ESR1: variants seen among roughly 807,000 people sequenced by gnomAD.
ESR1 encodes estrogen receptor.
In ESR1, 12 loss-of-function variants were observed where a neutral mutation model predicts 52.7. The observed-to-expected ratio is 0.23, with a 90% CI of 0.15 to 0.37. ESR1 has a LOEUF of 0.37. Among genes scored for constraint, ESR1 ranks in the 10% least tolerant of loss-of-function variants. ESR1 has a pLI of 1.00. For synonymous variants in ESR1, 305 were observed against 316.8 expected (o/e 0.96, Z 0.39); for missense variants, 584 against 779.7 (o/e 0.75, Z 2.99).
At chr6:151,974,309 A>G (rs1465715502) in intron 4 of ESR1, among the ~76,000 whole-genome samples, 2 of 152,094 alleles carry the variant, frequency 1.3e-5, no homozygotes, top group Non-Finnish European at 2.9e-5. Flanking sequence ...TAAGCACTTT[A>G]CATGTTTTCT....
chr6:151,792,330 A>G (rs1411896345), intron 2 of ESR1, among the ~76,000 whole-genome samples: 1 of 152,196 alleles, frequency 6.6e-6, no homozygotes, highest in Non-Finnish European at 1.5e-5. Flanking sequence ...GCTACTGTAA[A>G]CTTTATAAAC....
intron 3 of ESR1, among the ~76,000 whole-genome samples, chr6:151,912,518 G>A (rs1425885401): frequency 2.0e-5 from 3 of 152,108 alleles, no homozygotes; most frequent in South Asian, 2.1e-4. Context: ...ATAGCCTCAA[G>A]GTTTCTAATC....
Position 151,877,817 on chromosome 6 carries a change from T to C in ESR1, c.644-2838T>C, listed in dbSNP as rs1352805209. Among the ~76,000 whole-genome samples, 4 of 148,858 alleles carry C rather than the reference T, an allele frequency of 2.7e-5. No individual in the cohort carries two copies. The East Asian group carries it at 7.8e-4, about 29-fold the overall frequency. On this transcript the variant is annotated intron_variant, in intron 2 of 7. Coordinates refer to ENST00000206249, the MANE Select transcript of ESR1 (RefSeq NM_000125.4). ...TACTAATTAATTTTTTATTTTATTC[T>C]TTTTTTTTTAGAGATAGGGTCTCGC...
Position 152,061,259 on chromosome 6 carries a change from C to G in ESR1, c.1369+135C>G, listed in dbSNP as rs9341017. ...ACTACTGACACACGTTTTAAAATAACCTACCAACATTGCAGATTCCTTATA... is the reference window on the plus strand; with the variant it reads ...ACTACTGACACACGTTTTAAAATAAGCTACCAACATTGCAGATTCCTTATA... On this transcript the variant is annotated intron_variant, in intron 6 of 7. Coordinates refer to ENST00000206249, the MANE Select transcript of ESR1 (RefSeq NM_000125.4). This position sits in a 1 kb window ranked among gnomAD's most constrained non-coding sequence, Gnocchi z 4.3. 20,568 of 855,840 alleles carry G rather than the reference C, an allele frequency of 0.024. 361 individuals are homozygous for G. The highest frequency in any genetic ancestry group is 0.033 in the Middle Eastern group (97 of 2,982). 53.0% of individuals were successfully genotyped at this position (855,840 alleles called of 1,614,324 possible).
At chr6:151,738,581 A>C (rs1290404551) in intron 2 of ESR1, among the ~76,000 whole-genome samples, 1 of 152,194 alleles carries the variant, frequency 6.6e-6, no homozygotes, top group Non-Finnish European at 1.5e-5. Flanking sequence ...CATGAGGATC[A>C]ATTGTTCTGA....
intron 1 of ESR1, among the ~76,000 whole-genome samples, chr6:151,662,852 A>G (rs1441522962): frequency 6.6e-6 from 1 of 152,170 alleles, no homozygotes; most frequent in East Asian, 1.9e-4. Flanking sequence ...AAAATTGTGG[A>G]TCGTTCCCAT....
At chr6:151,775,162 C>T (rs766145027) in intron 2 of ESR1, among the ~76,000 whole-genome samples, 8 of 152,096 alleles carry the variant, frequency 5.3e-5, no homozygotes, top group East Asian at 1.9e-4. Context: ...CAGTCTGTCC[C>T]GTGGAGAGGA....
intron 3 of ESR1, among the ~76,000 whole-genome samples, chr6:151,941,621 T>C (rs1445442600): frequency 2.0e-5 from 3 of 152,050 alleles, no homozygotes; most frequent in Non-Finnish European, 4.4e-5. Context: ...GAGGGGCTAC[T>C]GGAGGTCAAC....
chr6:152,094,557 C>A lies in ESR1; in HGVS notation c.1542C>A (p.Ile514=), dbSNP rs2152496705. ...LAQLLLILSH[I]RHMSNKGMEH... The stretch of plus-strand genomic sequence containing the variant: ...AGCTCCTCCTCATCCTCTCCCACAT[C>A]AGGCACATGAGGTGAGGCATCTGTG... The change falls in exon 7 of 8, where the codon ATC becomes ATA. Residue 514 remains isoleucine, a synonymous_variant. Transcript: ENST00000206249. This position sits in a 1 kb window ranked among gnomAD's most constrained non-coding sequence, Gnocchi z 4.6. The A allele has an allele frequency of 1.9e-6, 3 of 1,614,020 alleles. No homozygotes were observed. Among genetic ancestry groups the A allele is most frequent in the Non-Finnish European group, 2.5e-6 (3 of 1,180,026 alleles).
intron 4 of ESR1, among the ~76,000 whole-genome samples, chr6:151,962,023 CTG>C (rs1451043986): frequency 6.6e-6 from 1 of 151,968 alleles, no homozygotes; most frequent in Non-Finnish European, 1.5e-5. Flanking sequence ...TGATGAATGA[CTG>C]TGGAAAACAA....
chr6:152,123,979 T>A (rs961983399), intron 6 of ESR1, among the ~76,000 whole-genome samples: 1 of 152,112 alleles, frequency 6.6e-6, no homozygotes, highest in Non-Finnish European at 1.5e-5. Context: ...AGAATCCCCT[T>A]AGAAGGGAAC....
intron 1 of ESR1, among the ~76,000 whole-genome samples, chr6:151,698,434 C>T (rs962059366): frequency 6.6e-6 from 1 of 151,662 alleles, no homozygotes; most frequent in Non-Finnish European, 1.5e-5. Flanking sequence ...CCATGGGCAT[C>T]TGTGCTGGGA....
At chr6:151,898,656 C>A (rs943929295) in intron 3 of ESR1, among the ~76,000 whole-genome samples, 1 of 152,050 alleles carries the variant, frequency 6.6e-6, no homozygotes, top group Non-Finnish European at 1.5e-5. Context: ...CTTGCACCGC[C>A]CTTAATCCAT....
intron 1 of ESR1, chr6:151,813,583 A>G (rs1194624314): frequency 2.0e-5 from 3 of 152,208 alleles, no homozygotes; most frequent in Admixed American, 2.0e-4. Flanking sequence ...AATATTAGAA[A>G]CTTATTAAGT....
intron 6 of ESR1, chr6:152,121,846 TTA>T (rs1445749175): frequency 1.3e-5 from 2 of 154,382 alleles, no homozygotes; most frequent in African/African-American, 4.8e-5. Context: ...TAGTTTTTCT[TTA>T]TACCTCTAAA....
chr6:151,998,114 T>C (rs1159346702), intron 4 of ESR1, among the ~76,000 whole-genome samples: 1 of 152,194 alleles, frequency 6.6e-6, no homozygotes, highest in Non-Finnish European at 1.5e-5. Flanking sequence ...CTTGGGCTTA[T>C]TAAGAAAATT....
At chr6:151,712,972 G>T (rs1221676451) in intron 2 of ESR1, among the ~76,000 whole-genome samples, 1 of 152,094 alleles carries the variant, frequency 6.6e-6, no homozygotes. Context: ...TTAGCTGTGG[G>T]CTTGTCATGA....
chr6:152,057,820 G>C (rs1406394398), intron 5 of ESR1, among the ~76,000 whole-genome samples: 1 of 152,096 alleles, frequency 6.6e-6, no homozygotes, highest in Non-Finnish European at 1.5e-5. Context: ...GCATTATATT[G>C]TTGACAGGTA....
intron 3 of ESR1, among the ~76,000 whole-genome samples, chr6:151,883,027 G>A (rs1184457819): frequency 6.6e-6 from 1 of 152,068 alleles, no homozygotes; most frequent in Non-Finnish European, 1.5e-5. Context: ...CCACAGGCTG[G>A]GTGGCTTAAA....
Sources: allele counts gnomAD v4.1 joint callset (sites outside exome capture counted in the v4.1 genomes callset), GRCh38; gene constraint gnomAD v4.1.1; non-coding constraint Gnocchi (gnomAD v3.1); transcripts MANE v1.5; gene names NCBI Gene and HGNC (gene_info 2026-07-23, HGNC 2026-07-21).